The following RGS9 variants were observed in gnomAD, a reference collection of about 807,000 sequenced individuals.
RGS9 encodes regulator of G protein signaling 9.
In RGS9, 78 loss-of-function variants were observed where a neutral mutation model predicts 102.0. The observed-to-expected ratio is 0.76, with a 90% CI of 0.64 to 0.92. The LOEUF is 0.92. Among genes scored for constraint, RGS9 ranks in the 40% least tolerant of loss-of-function variants. The pLI, the probability that RGS9 is intolerant of heterozygous loss-of-function variation, is 0.00. For missense variants in RGS9, 833 were observed against 866.1 expected (o/e 0.96, Z 0.48); for synonymous variants, 353 against 318.6 (o/e 1.11, Z -1.15).
intron 9 of RGS9, among the ~76,000 whole-genome samples, chr17:65,185,764 A>G (rs1912087092): frequency 6.6e-6 from 1 of 152,344 alleles, no homozygotes; most frequent in East Asian, 1.9e-4. Context: ...TGAAGTGAAC[A>G]GGAGTATACA....
intron 11 of RGS9, 99 bp from the exon 12 acceptor site, chr17:65,193,444 G>C: frequency 1.3e-6 from 1 of 790,030 alleles, no homozygotes; most frequent in Non-Finnish European, 2.3e-6. Context: ...TCACCAAATC[G>C]ATACAGGAAA....
chr17:65,189,300 T>C lies in RGS9; in HGVS notation c.669T>C (p.Val223=), dbSNP rs1201163958. The C allele has an allele frequency of 2.7e-5, 43 of 1,612,390 alleles. No individual in the cohort carries two copies. Among genetic ancestry groups the C allele is most frequent in the Non-Finnish European group, 3.4e-5 (40 of 1,178,644 alleles). ...EVKVNQKQTV[V]AVKKEIMYYQ... is the part of the protein sequence containing the mutation. Reference sequence around the variant, plus strand: ...TTGTCTTACAGAAACAAACAGTCGTTGCTGTCAAAAAAGAGGTAATTAGTC... The same window carrying C: ...TTGTCTTACAGAAACAAACAGTCGTCGCTGTCAAAAAAGAGGTAATTAGTC... The change falls in exon 10 of 19, where the codon GTT becomes GTC. Residue 223 remains valine (V), a synonymous_variant. Transcript: ENST00000262406.
chr17:65,175,753 T>C (rs1011290705), intron 8 of RGS9, among the ~76,000 whole-genome samples: 4 of 152,238 alleles, frequency 2.6e-5, no homozygotes, highest in African/African-American at 9.7e-5. Context: ...CCCTGTGTCG[T>C]CTTGTCTGCA....
At chr17:65,159,416 G>T (rs1356925881) in intron 3 of RGS9, among the ~76,000 whole-genome samples, 1 of 152,146 alleles carries the variant, frequency 6.6e-6, no homozygotes, top group South Asian at 2.1e-4. Context: ...CTAGAAAATA[G>T]GCTGTTGGTA....
chr17:65,174,617 A>G (rs998068266), intron 8 of RGS9, among the ~76,000 whole-genome samples: 1 of 151,824 alleles, frequency 6.6e-6, no homozygotes, highest in Non-Finnish European at 1.5e-5. Context: ...TTGTGCATGC[A>G]TGTAAACATA....
chr17:65,149,140 TTG>T (rs746846230), intron 1 of RGS9, among the ~76,000 whole-genome samples: 10,958 of 142,412 alleles, frequency 0.077, 730 homozygotes, highest in African/African-American at 0.19. Context: ...TTTTTTTTTG[TTG>T]TTGTTATGTT....
intron 17 of RGS9, among the ~76,000 whole-genome samples, chr17:65,218,250 T>C (rs1913584062): frequency 6.6e-6 from 1 of 152,274 alleles, no homozygotes; most frequent in South Asian, 2.1e-4. Flanking sequence ...TGGGAAATGC[T>C]GTGGGATGGC....
chr17:65,211,404 A>G (rs1478801693), intron 17 of RGS9, among the ~76,000 whole-genome samples: 1 of 152,244 alleles, frequency 6.6e-6, no homozygotes, highest in East Asian at 1.9e-4. Context: ...GAAGGACTCA[A>G]ATGGCCCTCT....
At chr17:65,164,987 C>A (rs1450906515) in intron 7 of RGS9, among the ~76,000 whole-genome samples, 1 of 152,126 alleles carries the variant, frequency 6.6e-6, no homozygotes, top group African/African-American at 2.4e-5. Context: ...AATGGTAGAT[C>A]TTAGGCTGAT....
chr17:65,197,398 A>G (rs1017412683), intron 13 of RGS9, among the ~76,000 whole-genome samples, 157 bp downstream of exon 13: 2 of 152,178 alleles, frequency 1.3e-5, no homozygotes, highest in African/African-American at 4.8e-5. Context: ...TAAGAATGGG[A>G]CCTGAGCCCA....
intron 17 of RGS9, among the ~76,000 whole-genome samples, chr17:65,222,051 C>A (rs763761374): frequency 1.3e-5 from 2 of 152,246 alleles, no homozygotes; most frequent in Non-Finnish European, 2.9e-5. Context: ...CATCTGGATG[C>A]TTCTAAGAAG....
chr17:65,195,534 G>C (rs966166935), intron 12 of RGS9, among the ~76,000 whole-genome samples: 2 of 151,984 alleles, frequency 1.3e-5, no homozygotes, highest in African/African-American at 4.8e-5. Context: ...CGCGTACACT[G>C]AACCCCGTTT....
chr17:65,227,504 G>T lies in RGS9; in HGVS notation c.*97G>T, dbSNP rs1330251509. 6 of 1,466,888 alleles carry T rather than the reference G, an allele frequency of 4.1e-6. No individual in the cohort carries two copies. The Admixed American group carries it at 7.9e-5, about 19-fold the overall frequency. The allele number at this position is 1,466,888 out of a possible 1,614,324, so 90.9% of individuals were successfully genotyped here. A position where few individuals can be genotyped will look rare whatever the true frequency, so the allele number is the denominator to read the frequency against. On this transcript the variant is annotated 3_prime_UTR_variant, in exon 19 of 19. Transcript: ENST00000262406. ...AGGACACACTTGCTCGAGAACCAAA[G>T]TGCATTTGGGTGACATTTGAAGATT...
intron 8 of RGS9, among the ~76,000 whole-genome samples, chr17:65,174,311 G>A (rs1279202430): frequency 1.3e-5 from 2 of 152,256 alleles, no homozygotes; most frequent in Non-Finnish European, 2.9e-5. Flanking sequence ...GTGAGCGCCT[G>A]TGGAATAGCA....
At chr17:65,156,696 G>A (rs1447247813) in intron 2 of RGS9, among the ~76,000 whole-genome samples, 1 of 152,216 alleles carries the variant, frequency 6.6e-6, no homozygotes, top group Non-Finnish European at 1.5e-5. Context: ...AAGTGGATGA[G>A]AAAGCCCTCG....
intron 9 of RGS9, chr17:65,179,937 G>A (rs956749326): frequency 6.6e-6 from 1 of 152,214 alleles, no homozygotes; most frequent in African/African-American, 2.4e-5. Context: ...GGTGTGATAC[G>A]GGCTGTGTCT....
chr17:65,199,527 T>C (rs1490170803), intron 13 of RGS9, among the ~76,000 whole-genome samples: 3 of 135,866 alleles, frequency 2.2e-5, no homozygotes, highest in South Asian at 2.7e-4. Context: ...AAATTCTCAC[T>C]CTGTCGCCCA....
intron 17 of RGS9, among the ~76,000 whole-genome samples, chr17:65,221,898 G>A (rs866010524): frequency 1.4e-4 from 21 of 152,158 alleles, no homozygotes; most frequent in African/African-American, 5.1e-4. Context: ...ACCTCCCAAA[G>A]ACCCCGCTTC....
At chr17:65,170,416 G>T (rs115011066) in intron 8 of RGS9, among the ~76,000 whole-genome samples, 2,769 of 152,228 alleles carry the variant, frequency 0.018, 103 homozygotes, top group African/African-American at 0.063. Flanking sequence ...TATTCTCATT[G>T]TACTGATAAG....
Sources: allele counts gnomAD v4.1 joint callset (sites outside exome capture counted in the v4.1 genomes callset), GRCh38; gene constraint gnomAD v4.1.1; transcripts MANE v1.5; gene names NCBI Gene and HGNC (gene_info 2026-07-23, HGNC 2026-07-21).